Variants in PTPN13 observed in about 807,000 individuals in gnomAD.
The protein encoded by PTPN13 is protein tyrosine phosphatase non-receptor type 13.
PTPN13 carries 191 observed loss-of-function variants against 284.0 expected under a neutral mutation model. The observed-to-expected ratio is 0.67, with a 90% CI of 0.60 to 0.76. The LOEUF is 0.76. PTPN13 is among the 30% of genes least tolerant of loss of function. The pLI, the probability that PTPN13 is intolerant of heterozygous loss-of-function variation, is 0.00. For missense variants in PTPN13, 2,797 were observed against 2,939.9 expected, an observed-to-expected ratio of 0.95 and a Z score of 1.12; for synonymous variants, 986 against 1,022.3, an observed-to-expected ratio of 0.96 and a Z score of 0.68.
chr4:86,752,470 C>G (rs2149213102), intron 19 of PTPN13, among the ~76,000 whole-genome samples: 1 of 152,230 alleles, frequency 6.6e-6, no homozygotes, highest in South Asian at 2.1e-4. Context: ...ATAGGTAACT[C>G]TGTGTTGAAA....
At chr4:86,610,297 C>CT (rs144708906) in intron 1 of PTPN13, among the ~76,000 whole-genome samples, 7,066 of 152,310 alleles carry the variant, frequency 0.046, 221 homozygotes, top group African/African-American at 0.06. Flanking sequence ...CCAAAGACAG[C>CT]TTCCTACTAT....
At chr4:86,596,314 A>G (rs1346365488) in intron 1 of PTPN13, among the ~76,000 whole-genome samples, 1 of 152,202 alleles carries the variant, frequency 6.6e-6, no homozygotes, top group Non-Finnish European at 1.5e-5. Flanking sequence ...CATTTGTCCC[A>G]CCATTTTTAC....
At chr4:86,727,793 G>T (rs543439701) in intron 10 of PTPN13, among the ~76,000 whole-genome samples, 1 of 149,136 alleles carries the variant, frequency 6.7e-6, no homozygotes, top group African/African-American at 2.4e-5. Flanking sequence ...TTTTTGAAGG[G>T]TTTTTTCTGT....
In PTPN13 at chr4:86,807,645, C is replaced by A. The variant is rs1251976567; in HGVS notation, c.6831C>A (p.Phe2277Leu). Residue 2277 changes from phenylalanine to leucine, a missense_variant, in exon 45 of 48, where the codon TTC becomes TTA. Physicochemically the swap from Phe to Leu is conservative, Grantham distance 22. Transcript: ENST00000411767. ...AGATACCAGTTGGGAAAGAAGAGTT[C>A]GTTTACATTGCCTGCCAAGGACCAC... Reference protein sequence around the residue: ...FIKIPVGKEEFVYIACQGPLP... With the variant: ...FIKIPVGKEELVYIACQGPLP... The A allele has an allele frequency of 6.2e-7, 1 of 1,613,948 alleles. No homozygotes were observed. The highest frequency in any genetic ancestry group is 8.5e-7 in the Non-Finnish European group (1 of 1,179,876).
At position 86,745,496 on chromosome 4, in the gene PTPN13, G is replaced by A. The variant is rs559642499; in HGVS notation, c.2650+368G>A. On this transcript the variant is annotated intron_variant, in intron 17 of 47. Coordinates refer to ENST00000411767, the MANE Select transcript of PTPN13 (RefSeq NM_080683.3). ...TACACAATAGAAGTTCAGGATTTCAGCCAGGCACAGTGGCTCACGCCTGTA... is the reference window on the plus strand; with the variant it reads ...TACACAATAGAAGTTCAGGATTTCAACCAGGCACAGTGGCTCACGCCTGTA... 4.5e-4 allele frequency among the ~76,000 whole-genome samples: 69 copies of A among 152,312 alleles called. 2 individuals are homozygous for A. In the South Asian group the frequency reaches 0.013, roughly 29 times the overall value.
intron 46 of PTPN13, among the ~76,000 whole-genome samples, chr4:86,810,529 T>A (rs1309375144): frequency 6.6e-6 from 1 of 152,202 alleles, no homozygotes; most frequent in African/African-American, 2.4e-5. Flanking sequence ...TTTTAGAATA[T>A]CTTACCATAG....
At chr4:86,762,483 T>C (rs945907459) in intron 23 of PTPN13, among the ~76,000 whole-genome samples, 2 of 152,074 alleles carry the variant, frequency 1.3e-5, no homozygotes, top group East Asian at 3.9e-4. Context: ...AGAAGCCTGG[T>C]TTGAAATGGA....
intron 42 of PTPN13, 83 bp downstream of exon 42, chr4:86,799,287 T>C: frequency 1.2e-6 from 1 of 843,146 alleles, no homozygotes; most frequent in Non-Finnish European, 1.8e-6. Context: ...TATATGGATA[T>C]GCTGTTTTAC....
intron 47 of PTPN13, 29 bp from the exon 48 acceptor site, chr4:86,814,427 G>A (rs1482584281): frequency 7.1e-7 from 1 of 1,402,294 alleles, no homozygotes; most frequent in East Asian, 2.3e-5. Context: ...TACATCTAAA[G>A]TATTCTATCT....
intron 3 of PTPN13, among the ~76,000 whole-genome samples, chr4:86,685,657 G>A (rs1360871320): frequency 6.6e-6 from 1 of 152,168 alleles, no homozygotes; most frequent in Non-Finnish European, 1.5e-5. Context: ...AGATTTATTG[G>A]TCAATTTTTA....
chr4:86,716,670 A>T (rs1578482149), intron 8 of PTPN13, 45 bp downstream of exon 8: 1 of 1,212,038 alleles, frequency 8.3e-7, no homozygotes, highest in Non-Finnish European at 1.2e-6. Flanking sequence ...AGAAACCACG[A>T]TTATTATTAT....
Position 86,766,527 on chromosome 4 carries a change from C to T in PTPN13, c.4329+10C>T. 1 of 1,576,996 alleles carries T rather than the reference C, an allele frequency of 6.3e-7. No homozygotes were observed. The highest frequency in any genetic ancestry group is 8.6e-7 in the Non-Finnish European group (1 of 1,158,898). Reference sequence around the variant, plus strand: ...GAGAAATACAGGACAGGTAACAGATCATTATACCAACCTTTTACAGTACCT... The same window carrying T: ...GAGAAATACAGGACAGGTAACAGATTATTATACCAACCTTTTACAGTACCT... On this transcript the variant is annotated intron_variant, in intron 27 of 47. Coordinates refer to ENST00000411767, the MANE Select transcript of PTPN13 (RefSeq NM_080683.3).
chr4:86,597,750 T>C (rs1234749973), intron 1 of PTPN13, among the ~76,000 whole-genome samples: 2 of 152,176 alleles, frequency 1.3e-5, no homozygotes, highest in African/African-American at 4.8e-5. Flanking sequence ...AGGTGGGCCA[T>C]TTCTTAGGAT....
rs776072423 is a variant in PTPN13, at chr4:86,741,649, A to G, written c.2320A>G (p.Thr774Ala). The change falls in exon 16 of 48, where the codon ACA (threonine) becomes GCA (alanine). Residue 774 changes from threonine to alanine, a missense_variant. Transcript: ENST00000411767. ...LEFLKVCQRLTEYGVHFHRVH... is the reference protein window; with the variant it reads ...LEFLKVCQRLAEYGVHFHRVH... ...ATTCCAACAGGTCTGCCAAAGACTG[A>G]CAGAATATGGAGTTCATTTTCACCG... 54 of 1,612,940 alleles carry G rather than the reference A, an allele frequency of 3.3e-5. No homozygotes were observed. Among genetic ancestry groups the G allele is most frequent in the Non-Finnish European group, 4.2e-5 (50 of 1,179,210 alleles).
intron 7 of PTPN13, among the ~76,000 whole-genome samples, chr4:86,711,195 TG>T (rs1732377772): frequency 7.0e-6 from 1 of 142,736 alleles, no homozygotes; most frequent in African/African-American, 2.6e-5. Flanking sequence ...AAATATAAAA[TG>T]GCCTATAAAT....
intron 2 of PTPN13, among the ~76,000 whole-genome samples, chr4:86,646,028 A>C (rs1376931840): frequency 2.0e-5 from 3 of 152,216 alleles, no homozygotes; most frequent in African/African-American, 4.8e-5. Context: ...ATTGATTTTC[A>C]AGAAAGAAAG....
At chr4:86,735,339 C>T (rs540056063) in intron 14 of PTPN13, among the ~76,000 whole-genome samples, 31 of 152,268 alleles carry the variant, frequency 2.0e-4, no homozygotes, top group African/African-American at 6.0e-4. Context: ...TCCTTCACAA[C>T]GTTCATCCTA....
intron 3 of PTPN13, among the ~76,000 whole-genome samples, chr4:86,677,318 CTTTT>C (rs1175955514): frequency 7.2e-6 from 1 of 138,606 alleles, no homozygotes; most frequent in African/African-American, 2.6e-5. Context: ...TAAATTTAGT[CTTTT>C]TTTTTTTTTT....
intron 2 of PTPN13, among the ~76,000 whole-genome samples, chr4:86,639,001 C>G (rs924223711): frequency 4.1e-4 from 63 of 152,084 alleles, no homozygotes; most frequent in Non-Finnish European, 7.9e-4. Context: ...ACAACCCCAT[C>G]AAAAAGTGGG....
Sources: allele counts gnomAD v4.1 joint callset (sites outside exome capture counted in the v4.1 genomes callset), GRCh38; gene constraint gnomAD v4.1.1; transcripts MANE v1.5; gene names NCBI Gene and HGNC (gene_info 2026-07-23, HGNC 2026-07-21).